The following DNAH11 variants were observed in gnomAD, a reference collection of about 807,000 sequenced individuals.
DNAH11 encodes the protein dynein axonemal heavy chain 11, also known as axonemal beta dynein heavy chain 11.
A neutral mutation model predicts 526.0 loss-of-function variants in DNAH11; 442 were observed. The ratio of observed to expected loss-of-function variants is 0.84; its 90% CI spans 0.78 to 0.91. The LOEUF (loss-of-function observed/expected upper bound fraction) is 0.91. DNAH11 is among the 40% of genes least tolerant of loss of function. DNAH11 has a pLI of 0.00. For missense variants in DNAH11, 6,989 were observed against 5,448.7 expected, an observed-to-expected ratio of 1.28 and a Z score of -8.90; for synonymous variants, 2,461 against 1,935.9, an observed-to-expected ratio of 1.27 and a Z score of -7.12.
chr7:21,866,465 T>C lies in DNAH11; in HGVS notation c.11497-5T>C, dbSNP rs1222633743. Reference sequence around the variant, plus strand: ...ATTCCTACTTGTTTCCCTATCATATTACAGGCAATTGCCGTCATGGAAGAA... The same window carrying C: ...ATTCCTACTTGTTTCCCTATCATATCACAGGCAATTGCCGTCATGGAAGAA... On this transcript the variant is annotated splice_polypyrimidine_tract_variant and splice_region_variant and intron_variant, in intron 70 of 81. Coordinates refer to ENST00000409508, the MANE Select transcript of DNAH11 (RefSeq NM_001277115.2). 7 of 1,607,640 alleles carry C rather than the reference T, an allele frequency of 4.4e-6. No homozygotes were observed. The highest frequency in any genetic ancestry group is 5.1e-6 in the Non-Finnish European group (6 of 1,177,504).
intron 61 of DNAH11, among the ~76,000 whole-genome samples, chr7:21,800,928 G>A (rs1045423122): frequency 2.0e-5 from 3 of 152,130 alleles, no homozygotes; most frequent in African/African-American, 7.2e-5. Flanking sequence ...AGACCACATC[G>A]TGAACTGTTA....
chr7:21,897,372 T>G lies in DNAH11; in HGVS notation c.13050-1964T>G, dbSNP rs551275461. On this transcript the variant is annotated intron_variant, in intron 79 of 81. Transcript: ENST00000409508. ...ATTAAAATATAATAACACCCTCAGT[T>G]GGAGGCCTTTGTAGCCATCACTCTC... Among the ~76,000 whole-genome samples the G allele has an allele frequency of 5.3e-5, 8 of 152,016 alleles. No individual in the cohort carries two copies. In the South Asian group the frequency reaches 1.7e-3, roughly 32 times the overall value.
chr7:21,551,688 G>A (rs1428238394), intron 2 of DNAH11, among the ~76,000 whole-genome samples: 4 of 152,228 alleles, frequency 2.6e-5, no homozygotes, highest in African/African-American at 4.8e-5. Context: ...CACATGGGAC[G>A]ACCTATCCAC....
At chr7:21,624,880 A>G (rs961673894) in intron 25 of DNAH11, among the ~76,000 whole-genome samples, 1 of 152,120 alleles carries the variant, frequency 6.6e-6, no homozygotes, top group African/African-American at 2.4e-5. Context: ...TTCCTGAGAT[A>G]AATCCCACTT....
chr7:21,795,399 A>G (rs1788666150), intron 61 of DNAH11, among the ~76,000 whole-genome samples: 1 of 152,118 alleles, frequency 6.6e-6, no homozygotes, highest in Admixed American at 6.6e-5. Context: ...AACTCCTTGG[A>G]GAAAATACTT....
chr7:21,588,399 CAT>C (rs1260727201), intron 10 of DNAH11, 111 bp from the exon 11 acceptor site: 3 of 1,385,840 alleles, frequency 2.2e-6, no homozygotes, highest in Non-Finnish European at 3.0e-6. Context: ...TGATTAAACA[CAT>C]ATGTTTTATA....
At chr7:21,822,572 A>G (rs1456476371) in intron 65 of DNAH11, among the ~76,000 whole-genome samples, 5 of 152,206 alleles carry the variant, frequency 3.3e-5, no homozygotes, top group Non-Finnish European at 7.3e-5. Context: ...GTTATTGTGA[A>G]TATTGCTGCA....
At chr7:21,694,827 G>A (rs548813141) in intron 35 of DNAH11, among the ~76,000 whole-genome samples, 2 of 152,156 alleles carry the variant, frequency 1.3e-5, no homozygotes, top group Non-Finnish European at 2.9e-5. Flanking sequence ...CAGTGTAAAA[G>A]CATTCCTATT....
chr7:21,850,817 C>T (rs564128046), intron 66 of DNAH11, among the ~76,000 whole-genome samples: 50 of 152,140 alleles, frequency 3.3e-4, no homozygotes, highest in African/African-American at 9.6e-4. Context: ...TTTTGTCTCC[C>T]TTGTTGTCCT....
intron 25 of DNAH11, 139 bp from the exon 26 acceptor site, chr7:21,635,732 C>G (rs1198606200): frequency 5.0e-6 from 3 of 594,522 alleles, no homozygotes; most frequent in East Asian, 2.9e-5. Flanking sequence ...TTAGCAAAAA[C>G]TTATTAAATG....
chr7:21,735,133 G>A (rs537464931), intron 45 of DNAH11, among the ~76,000 whole-genome samples: 53 of 152,322 alleles, frequency 3.5e-4, no homozygotes, highest in African/African-American at 1.2e-3. Flanking sequence ...TCATGCCACT[G>A]CACTCCAGCC....
chr7:21,674,025 G>GTT lies in DNAH11; in HGVS notation c.5329-7518_5329-7517dup, dbSNP rs772771784. On this transcript the variant is annotated intron_variant, in intron 30 of 81. Coordinates refer to ENST00000409508, the MANE Select transcript of DNAH11 (RefSeq NM_001277115.2). Reference sequence around the variant, plus strand: ...GTTCCTTATGGCTCTATTCTGTTTTGTTTTGTGTGTGTGTGTGTGTGTGTG... The same window carrying GTT: ...GTTCCTTATGGCTCTATTCTGTTTTGTTTTTTGTGTGTGTGTGTGTGTGTGTG... 1.1e-4 allele frequency among the ~76,000 whole-genome samples: 12 copies of GTT among 104,794 alleles called. No homozygotes were observed. The Admixed American group carries it at 1.6e-3, about 14-fold the overall frequency. The allele number at this position is 104,794 out of a possible 152,430, so 68.7% of individuals were successfully genotyped here. A position where few individuals can be genotyped will look rare whatever the true frequency, so the allele number is the denominator to read the frequency against.
intron 25 of DNAH11, among the ~76,000 whole-genome samples, chr7:21,625,153 C>G (rs989131125): frequency 6.6e-5 from 10 of 151,968 alleles, no homozygotes; most frequent in African/African-American, 2.4e-4. Context: ...CACCGTGAAG[C>G]CCTCCTGTCC....
At chr7:21,708,526 T>G (rs901161512) in intron 40 of DNAH11, among the ~76,000 whole-genome samples, 1 of 152,220 alleles carries the variant, frequency 6.6e-6, no homozygotes, top group Admixed American at 6.5e-5. Flanking sequence ...CAGAGGGGCT[T>G]CAAATGTTAC....
At chr7:21,610,517 G>T (rs1438972716) in intron 20 of DNAH11, among the ~76,000 whole-genome samples, 1 of 152,046 alleles carries the variant, frequency 6.6e-6, no homozygotes, top group African/African-American at 2.4e-5. Context: ...ATAAAACAAT[G>T]AACACACCAT....
chr7:21,822,483 T>G (rs1179719746), intron 65 of DNAH11, among the ~76,000 whole-genome samples: 2 of 152,198 alleles, frequency 1.3e-5, no homozygotes, highest in African/African-American at 4.8e-5. Context: ...CATTTCAACA[T>G]GAGATTTGGA....
In DNAH11 at chr7:21,899,459, A is replaced by T. The variant is rs1478226642; in HGVS notation, c.13162+11A>T. On this transcript the variant is annotated intron_variant, in intron 80 of 81. Coordinates refer to ENST00000409508, the MANE Select transcript of DNAH11 (RefSeq NM_001277115.2). The stretch of plus-strand genomic sequence containing the variant: ...AGTCCTTCTTAACTGGTAAGGGCTG[A>T]CGCAGTGCAGCCCCTGATGCACACA... The T allele has an allele frequency of 6.2e-7, 1 of 1,602,978 alleles. No homozygotes were observed. The highest frequency in any genetic ancestry group is 1.3e-5 in the African/African-American group (1 of 74,772).
chr7:21,748,588 T>A lies in DNAH11; in HGVS notation c.8519T>A (p.Ile2840Asn). The change falls in exon 52 of 82, where the codon ATC becomes AAC. Residue 2840 changes from isoleucine to asparagine, a missense_variant. By Grantham distance (149) the Ile-to-Asn change is moderately radical. Coordinates refer to ENST00000409508, the MANE Select transcript of DNAH11 (RefSeq NM_001277115.2). ...GCGCTTCCTTTCCTCAGGTGTCGCA[T>A]CAGCCGGATCTTACGAACCCCTCAG... ...FEDAMQHVCR[I>N]SRILRTPQGC... 1 of 1,533,842 alleles carries A rather than the reference T, an allele frequency of 6.5e-7. No individual in the cohort carries two copies. Among genetic ancestry groups the A allele is most frequent in the African/African-American group, 1.4e-5 (1 of 72,258 alleles).
Position 21,623,960 on chromosome 7 carries a change from TATA to T in DNAH11, c.4500+3899_4500+3901del, listed in dbSNP as rs562551651. On this transcript the variant is annotated intron_variant, in intron 25 of 81. Coordinates refer to ENST00000409508, the MANE Select transcript of DNAH11 (RefSeq NM_001277115.2). ...TGCACATGTACCCTAAAACTTAAAG[TATA>T]ATAATAATAATAATAAAATAAAAAT... Among the ~76,000 whole-genome samples the T allele has an allele frequency of 1.7e-3, 253 of 150,024 alleles. 1 individual carries two copies. Among genetic ancestry groups the T allele is most frequent in the African/African-American group, 3.7e-3 (152 of 41,022 alleles).
Sources: allele counts gnomAD v4.1 joint callset (sites outside exome capture counted in the v4.1 genomes callset), GRCh38; gene constraint gnomAD v4.1.1; transcripts MANE v1.5; gene names NCBI Gene and HGNC (gene_info 2026-07-23, HGNC 2026-07-21).